Variants in CSGALNACT1 observed in about 807,000 individuals in gnomAD.
CSGALNACT1 encodes the protein beta4GalNAcT-1.
In CSGALNACT1, 52 loss-of-function variants were observed where a neutral mutation model predicts 51.0. That is an observed-to-expected ratio of 1.02 (90% confidence interval 0.82 to 1.29). CSGALNACT1 has a LOEUF of 1.29. Among genes scored for constraint, CSGALNACT1 ranks in the 50% most tolerant of loss-of-function variants. The probability of loss-of-function intolerance (pLI) is 0.00; values close to 1 mark genes in which losing one functional copy is unlikely to be tolerated. For missense variants in CSGALNACT1, 935 were observed against 679.2 expected (o/e 1.38, Z -4.19); for synonymous variants, 341 against 254.4 (o/e 1.34, Z -3.24).
intron 1 of CSGALNACT1, among the ~76,000 whole-genome samples, chr8:19,670,922 T>G (rs766338114): frequency 6.6e-6 from 1 of 152,060 alleles, no homozygotes; most frequent in Admixed American, 6.6e-5. Context: ...ACTCCACAAG[T>G]GCCATGGGGA....
intron 4 of CSGALNACT1, among the ~76,000 whole-genome samples, chr8:19,484,250 G>T (rs2072277788): frequency 7.6e-6 from 1 of 131,130 alleles, no homozygotes; most frequent in Non-Finnish European, 1.7e-5. Flanking sequence ...GTAAAAAGAT[G>T]AACATTCTCC....
At chr8:19,748,477 T>C (rs755187249) in intron 1 of CSGALNACT1, among the ~76,000 whole-genome samples, 3 of 152,192 alleles carry the variant, frequency 2.0e-5, no homozygotes, top group Non-Finnish European at 4.4e-5. Context: ...CTCCTCCTCA[T>C]CTTCCCAATG....
At chr8:19,404,201 C>T (rs1276979377) in exon 10 of CSGALNACT1, 4 of 382,158 alleles carry the variant, frequency 1.0e-5, no homozygotes, top group Non-Finnish European at 1.5e-5. Context: ...TGCAATACCA[C>T]CTTCCATTCA....
intron 2 of CSGALNACT1, among the ~76,000 whole-genome samples, chr8:19,593,410 C>A (rs1431612204): frequency 6.6e-6 from 1 of 152,302 alleles, no homozygotes; most frequent in African/African-American, 2.4e-5. Flanking sequence ...CCTGGGGCAC[C>A]ACAACAGCTA....
chr8:19,652,726 G>C (rs916356566), intron 1 of CSGALNACT1, among the ~76,000 whole-genome samples: 1 of 152,136 alleles, frequency 6.6e-6, no homozygotes, highest in Non-Finnish European at 1.5e-5. Flanking sequence ...TAAAATCCCT[G>C]TGTTAATTGA....
chr8:19,524,209 G>T (rs937826660), intron 3 of CSGALNACT1, among the ~76,000 whole-genome samples: 2 of 152,072 alleles, frequency 1.3e-5, no homozygotes, highest in African/African-American at 4.8e-5. Context: ...AGGATCGCTT[G>T]AGCCCAGGAG....
intron 2 of CSGALNACT1, among the ~76,000 whole-genome samples, chr8:19,595,540 G>A (rs2048701378): frequency 6.6e-6 from 1 of 151,936 alleles, no homozygotes; most frequent in Non-Finnish European, 1.5e-5. Context: ...GTATCAGCTT[G>A]GATTAGATAT....
intron 4 of CSGALNACT1, among the ~76,000 whole-genome samples, chr8:19,504,122 G>T (rs1026158833): frequency 3.3e-5 from 5 of 152,202 alleles, no homozygotes; most frequent in African/African-American, 9.7e-5. Flanking sequence ...TGTCACCCAG[G>T]CTGGAGTGCA....
chr8:19,408,497 T>TTTTTTTTG, intron 9 of CSGALNACT1, 116 bp downstream of exon 8: 1 of 268,108 alleles, frequency 3.7e-6, no homozygotes, highest in Non-Finnish European at 7.4e-6. Flanking sequence ...TTTTTTTTTT[T>TTTTTTTTG]GAAGGCAATG....
chr8:19,613,451 T>G (rs964251470), intron 1 of CSGALNACT1, among the ~76,000 whole-genome samples: 1 of 152,230 alleles, frequency 6.6e-6, no homozygotes, highest in African/African-American at 2.4e-5. Flanking sequence ...GCGCACACTA[T>G]TTTCTAACTT....
At chr8:19,409,496 TATATAGAGAG>T (rs1447876270) in intron 8 of CSGALNACT1, among the ~76,000 whole-genome samples, 163 of 109,220 alleles carry the variant, frequency 1.5e-3, no homozygotes, top group African/African-American at 4.7e-3. Flanking sequence ...CATATATATA[TATATAGAGAG>T]AGAGAGAGAG....
At chr8:19,478,580 A>C (rs1388922080) in intron 4 of CSGALNACT1, among the ~76,000 whole-genome samples, 1 of 152,114 alleles carries the variant, frequency 6.6e-6, no homozygotes, top group East Asian at 1.9e-4. Flanking sequence ...TGATTCCATA[A>C]TCCAGTGATT....
upstream of CSGALNACT1, among the ~76,000 whole-genome samples, chr8:19,603,539 G>C (rs2050887816): frequency 6.6e-6 from 1 of 152,184 alleles, no homozygotes. Flanking sequence ...ATGCCTAAGT[G>C]GAATAATCAC....
chr8:19,457,712 G>T (rs753628922), intron 5 of CSGALNACT1: 1 of 1,334,848 alleles, frequency 7.5e-7, no homozygotes, highest in Non-Finnish European at 9.9e-7. Context: ...CACTTAGCTG[G>T]TTATCCTCAG....
chr8:19,496,995 C>T (rs1009343011), intron 4 of CSGALNACT1, among the ~76,000 whole-genome samples: 4 of 152,118 alleles, frequency 2.6e-5, no homozygotes, highest in African/African-American at 9.7e-5. Context: ...CTCCCGCCTC[C>T]CCTCTATGGA....
intron 6 of CSGALNACT1, among the ~76,000 whole-genome samples, chr8:19,431,227 C>G (rs55906530): frequency 0.17 from 26,083 of 151,996 alleles, 2,409 homozygotes; most frequent in Middle Eastern, 0.25. Context: ...AAAGCAGACA[C>G]CTTTGTCTTG....
At chr8:19,490,696 A>C (rs1264302864) in intron 4 of CSGALNACT1, among the ~76,000 whole-genome samples, 2 of 152,190 alleles carry the variant, frequency 1.3e-5, no homozygotes, top group Non-Finnish European at 2.9e-5. Context: ...CCAGGACACA[A>C]TGAGGCTTTG....
chr8:19,414,871 T>C (rs568758135), intron 8 of CSGALNACT1, among the ~76,000 whole-genome samples: 21 of 152,312 alleles, frequency 1.4e-4, no homozygotes, highest in African/African-American at 5.1e-4. Flanking sequence ...ATAGGTACCA[T>C]CTCTTTCAAG....
chr8:19,503,406 C>T (rs1214204091), intron 4 of CSGALNACT1, among the ~76,000 whole-genome samples: 5 of 152,216 alleles, frequency 3.3e-5, no homozygotes, highest in Non-Finnish European at 7.3e-5. Flanking sequence ...TGTTAAACTA[C>T]TGTGCATAGA....
Sources: allele counts gnomAD v4.1 joint callset (sites outside exome capture counted in the v4.1 genomes callset), GRCh38; gene constraint gnomAD v4.1.1; transcripts MANE v1.5; gene names NCBI Gene and HGNC (gene_info 2026-07-23, HGNC 2026-07-21).